The following ADGRV1 variants were observed in gnomAD, a reference collection of about 807,000 sequenced individuals.
ADGRV1 encodes G-protein coupled receptor 98.
ADGRV1 carries 359 observed loss-of-function variants against 596.2 expected under a neutral mutation model. The observed-to-expected ratio is 0.60, with a 90% CI of 0.55 to 0.66. The LOEUF is 0.66. Ranked by LOEUF, ADGRV1 falls within the 30% of genes least tolerant of loss-of-function variation. The pLI, the probability that ADGRV1 is intolerant of heterozygous loss-of-function variation, is 0.00. For synonymous variants in ADGRV1, 2,681 were observed against 2,679.2 expected, an observed-to-expected ratio of 1.00 and a Z score of -0.02; for missense variants, 7,274 against 7,575.6, an observed-to-expected ratio of 0.96 and a Z score of 1.48.
At position 90,855,863 on chromosome 5, in the gene ADGRV1, A is replaced by G. The variant is rs1353208341; in HGVS notation, c.17717A>G (p.Asn5906Ser). Reference sequence around the variant, plus strand: ...CGGACTGACAACTTGTCTTCATACAATGAAGCCTTCTTCACTTCTGGATTT... The same window carrying G: ...CGGACTGACAACTTGTCTTCATACAGTGAAGCCTTCTTCACTTCTGGATTT... ...YARTDNLSSY[N>S]EAFFTSGFIC... Residue 5906 changes from asparagine to serine, a missense_variant, in exon 82 of 90, where the codon AAT becomes AGT. Physicochemically the swap from Asn to Ser is conservative, Grantham distance 46 (BLOSUM62 1). Around this residue, in one of 5 missense-constraint regions of ADGRV1, gnomAD observed 1,874 missense variants for 1,970.2 expected, o/e 0.95. Coordinates refer to ENST00000405460, the MANE Select transcript of ADGRV1 (RefSeq NM_032119.4). 6.2e-7 allele frequency: 1 copy of G among 1,613,270 alleles called. No homozygotes were observed. The highest frequency in any genetic ancestry group is 8.5e-7 in the Non-Finnish European group (1 of 1,179,326).
chr5:90,966,607 G>A (rs1778496744), intron 84 of ADGRV1, among the ~76,000 whole-genome samples: 1 of 151,808 alleles, frequency 6.6e-6, no homozygotes, highest in Admixed American at 6.6e-5. Context: ...GGAAAATGGA[G>A]CCATTGGTTT....
intron 87 of ADGRV1, among the ~76,000 whole-genome samples, chr5:91,112,449 A>G (rs950686621): frequency 6.6e-6 from 1 of 152,196 alleles, no homozygotes; most frequent in Non-Finnish European, 1.5e-5. Context: ...CTTTGCCTGC[A>G]AAAAGATCTA....
chr5:91,086,903 A>G (rs1789924519), intron 86 of ADGRV1, among the ~76,000 whole-genome samples: 2 of 152,192 alleles, frequency 1.3e-5, no homozygotes, highest in African/African-American at 4.8e-5. Flanking sequence ...TAAAGTAATT[A>G]TGTATTGTTT....
intron 79 of ADGRV1, among the ~76,000 whole-genome samples, chr5:90,852,875 ATGT>A (rs541196434): frequency 2.3e-3 from 355 of 152,272 alleles, no homozygotes; most frequent in Non-Finnish European, 3.7e-3. Context: ...AAGGTTTATG[ATGT>A]TCTTAAATAA....
intron 85 of ADGRV1, among the ~76,000 whole-genome samples, chr5:91,051,666 C>T (rs991274509): frequency 6.6e-6 from 1 of 151,378 alleles, no homozygotes; most frequent in African/African-American, 2.4e-5. Flanking sequence ...CCTGCCTCAG[C>T]CTCCCGAGTA....
At chr5:90,957,956 A>G (rs1777628919) in intron 83 of ADGRV1, among the ~76,000 whole-genome samples, 1 of 151,960 alleles carries the variant, frequency 6.6e-6, no homozygotes, top group Non-Finnish European at 1.5e-5. Flanking sequence ...AGCTATCCCA[A>G]TAATGCAAGG....
At chr5:91,148,362 C>G (rs543943360) in intron 87 of ADGRV1, among the ~76,000 whole-genome samples, 2 of 152,290 alleles carry the variant, frequency 1.3e-5, no homozygotes, top group East Asian at 3.9e-4. Context: ...AGACCTGGTC[C>G]AGGGCCCCGC....
chr5:90,725,282 A>G, intron 47 of ADGRV1, 50 bp downstream of exon 47: 1 of 1,118,170 alleles, frequency 8.9e-7, no homozygotes, highest in Non-Finnish European at 1.2e-6. Flanking sequence ...AAAGAAATTA[A>G]GATTTGTAAG....
chr5:90,634,325 CT>C (rs1405894242), intron 9 of ADGRV1, among the ~76,000 whole-genome samples: 1 of 152,136 alleles, frequency 6.6e-6, no homozygotes, highest in Non-Finnish European at 1.5e-5. Context: ...AGTTTCAAGT[CT>C]ATGTCAAGCC....
chr5:90,610,263 G>A (rs756195715), intron 1 of ADGRV1, among the ~76,000 whole-genome samples: 10 of 151,952 alleles, frequency 6.6e-5, no homozygotes, highest in South Asian at 2.1e-4. Context: ...TATGGGCTAC[G>A]TAATCCAGGT....
intron 1 of ADGRV1, among the ~76,000 whole-genome samples, chr5:90,598,429 G>A (rs1479988556): frequency 1.3e-5 from 2 of 152,258 alleles, no homozygotes; most frequent in Admixed American, 1.3e-4. Flanking sequence ...TAGGGACCCT[G>A]TGGGCTAAAG....
At chr5:91,159,580 T>C (rs1431642923) in intron 89 of ADGRV1, among the ~76,000 whole-genome samples, 1 of 152,198 alleles carries the variant, frequency 6.6e-6, no homozygotes, top group African/African-American at 2.4e-5. Context: ...GAAATCCACA[T>C]TTCACTCTCA....
At chr5:91,078,896 T>C (rs2007538) in intron 86 of ADGRV1, among the ~76,000 whole-genome samples, 20,090 of 152,250 alleles carry the variant, frequency 0.13, 1,636 homozygotes, top group Admixed American at 0.27. Flanking sequence ...AGTCAGTAGC[T>C]GAAACATTCT....
At chr5:91,152,610 T>G (rs1470420473) in intron 88 of ADGRV1, among the ~76,000 whole-genome samples, 2 of 152,216 alleles carry the variant, frequency 1.3e-5, no homozygotes, top group East Asian at 3.8e-4. Flanking sequence ...AGAGACATAA[T>G]TTTCTAAAGA....
intron 70 of ADGRV1, among the ~76,000 whole-genome samples, chr5:90,802,431 A>G (rs1335038207): frequency 6.6e-5 from 10 of 152,070 alleles, no homozygotes; most frequent in African/African-American, 1.9e-4. Flanking sequence ...GGGTTTCACC[A>G]TGTTGGCCAC....
intron 83 of ADGRV1, among the ~76,000 whole-genome samples, chr5:90,908,263 A>G (rs186789211): frequency 6.6e-6 from 1 of 152,292 alleles, no homozygotes; most frequent in East Asian, 1.9e-4. Context: ...TAGTAGGTAT[A>G]TATATTTATG....
At chr5:91,027,954 C>CAGG (rs1168800094) in intron 85 of ADGRV1, among the ~76,000 whole-genome samples, 1 of 151,770 alleles carries the variant, frequency 6.6e-6, no homozygotes, top group Non-Finnish European at 1.5e-5. Flanking sequence ...TTTTCCAAAT[C>CAGG]AGGATTTCTT....
intron 85 of ADGRV1, among the ~76,000 whole-genome samples, chr5:91,059,620 A>C (rs1787219706): frequency 6.6e-6 from 1 of 152,172 alleles, no homozygotes; most frequent in African/African-American, 2.4e-5. Flanking sequence ...AATTCTTACC[A>C]CTTCAAAGCT....
intron 1 of ADGRV1, among the ~76,000 whole-genome samples, chr5:90,583,786 A>C (rs1010614209): frequency 1.2e-4 from 18 of 152,326 alleles, no homozygotes; most frequent in Non-Finnish European, 1.8e-4. Flanking sequence ...TTAATGTTGG[A>C]AATAACAGAC....
Sources: allele counts gnomAD v4.1 joint callset (sites outside exome capture counted in the v4.1 genomes callset), GRCh38; gene constraint gnomAD v4.1.1; regional missense constraint gnomAD v4.1.1; transcripts MANE v1.5; gene names NCBI Gene and HGNC (gene_info 2026-07-23, HGNC 2026-07-21).